The following IMMP2L variants were observed in gnomAD, a reference collection of about 807,000 sequenced individuals.
IMMP2L encodes the protein mitochondrial inner membrane protease subunit 2.
In IMMP2L, 18 loss-of-function variants were observed where a neutral mutation model predicts 19.3. That is an observed-to-expected ratio of 0.93 (90% confidence interval 0.64 to 1.38). IMMP2L has a LOEUF of 1.38. Ranked by LOEUF, IMMP2L falls within the 40% of genes most tolerant of loss-of-function variation. The pLI is 0.00. For missense variants in IMMP2L, 233 were observed against 218.2 expected, an observed-to-expected ratio of 1.07 and a Z score of -0.43; for synonymous variants, 76 against 73.0, an observed-to-expected ratio of 1.04 and a Z score of -0.21.
intron 3 of IMMP2L, among the ~76,000 whole-genome samples, chr7:111,275,138 G>A (rs1451022350): frequency 6.6e-6 from 1 of 152,090 alleles, no homozygotes; most frequent in Non-Finnish European, 1.5e-5. Flanking sequence ...GAATCCCATG[G>A]AGGCTCCCAG....
intron 3 of IMMP2L, among the ~76,000 whole-genome samples, chr7:111,396,203 G>A (rs1486648937): frequency 1.3e-5 from 2 of 152,080 alleles, no homozygotes; most frequent in Non-Finnish European, 2.9e-5. Context: ...AAAGACACAT[G>A]GACACGTATG....
intron 5 of IMMP2L, among the ~76,000 whole-genome samples, chr7:110,702,759 C>T (rs1794371010): frequency 6.6e-6 from 1 of 151,938 alleles, no homozygotes; most frequent in African/African-American, 2.4e-5. Context: ...TGTATATTGA[C>T]CTGTACTCTT....
chr7:110,751,437 C>T (rs921988116), intron 5 of IMMP2L, among the ~76,000 whole-genome samples: 3 of 151,852 alleles, frequency 2.0e-5, no homozygotes, highest in Non-Finnish European at 4.4e-5. Context: ...TTTTAGAAAG[C>T]CAACATTCAA....
chr7:111,131,923 G>T (rs936695738), intron 3 of IMMP2L, among the ~76,000 whole-genome samples: 1 of 151,508 alleles, frequency 6.6e-6, no homozygotes, highest in Non-Finnish European at 1.5e-5. Flanking sequence ...ATAATAACAG[G>T]AACTTTATAA....
chr7:110,864,143 A>G (rs190250247), intron 5 of IMMP2L, among the ~76,000 whole-genome samples: 5 of 152,168 alleles, frequency 3.3e-5, no homozygotes, highest in Admixed American at 6.6e-5. Flanking sequence ...TCCATGTTTC[A>G]AAAGTTTCTA....
chr7:111,035,988 C>G (rs2129569880), intron 3 of IMMP2L, among the ~76,000 whole-genome samples: 1 of 152,210 alleles, frequency 6.6e-6, no homozygotes, highest in East Asian at 1.9e-4. Context: ...ATTAGATGAG[C>G]TAATGAATGC....
chr7:111,317,977 A>AT (rs774066522), intron 3 of IMMP2L, among the ~76,000 whole-genome samples: 6 of 152,112 alleles, frequency 3.9e-5, no homozygotes, highest in Non-Finnish European at 8.8e-5. Flanking sequence ...TGAAATCTAC[A>AT]TTTTTTCAAT....
chr7:111,364,008 A>C (rs75992896), intron 3 of IMMP2L, among the ~76,000 whole-genome samples: 52 of 151,462 alleles, frequency 3.4e-4, no homozygotes, highest in Non-Finnish European at 5.6e-4. Flanking sequence ...ATCCCCCCCC[A>C]CACACACACA....
At position 110,686,632 on chromosome 7, in the gene IMMP2L, A is replaced by G. The variant is rs558078246; in HGVS notation, c.409-22911T>C. The stretch of plus-strand genomic sequence containing the variant: ...TTGCCTGCTTCAACTGTAACCTCAG[A>G]GCCATAATTAGAGTTCTGTCTTTGC... On this transcript the variant is annotated intron_variant, in intron 5 of 5. Transcript: ENST00000405709. 4.6e-5 allele frequency among the ~76,000 whole-genome samples: 7 copies of G among 152,100 alleles called. No homozygotes were observed. The South Asian group carries it at 1.5e-3, about 32-fold the overall frequency.
At position 111,452,888 on chromosome 7, in the gene IMMP2L, T is replaced by C. The variant is rs930992611; in HGVS notation, c.239+34350A>G. On this transcript the variant is annotated intron_variant, in intron 3 of 5. Transcript: ENST00000405709. ...ATGTACATATTTACTATACCTATTA[T>C]GTCACTTGTTGCTAGAAAGTAAGCT... Among the ~76,000 whole-genome samples, 3 of 152,296 alleles carry C rather than the reference T, an allele frequency of 2.0e-5. 1 individual carries two copies. Among genetic ancestry groups the C allele is most frequent in the South Asian group, 4.1e-4 (2 of 4,832 alleles).
In IMMP2L at chr7:111,548,653, A is replaced by G. The variant is rs192403886; in HGVS notation, c.-3+13198T>C. On this transcript the variant is annotated intron_variant, in intron 1 of 5. Coordinates refer to ENST00000405709, the MANE Select transcript of IMMP2L (RefSeq NM_032549.4). ...CTCAGAAGTGTATAGTTTTTTTTAT[A>G]ATTTTAATTCATTATCATGTCACTT... Among the ~76,000 whole-genome samples the G allele has an allele frequency of 2.7e-3, 416 of 152,222 alleles. 2 individuals carry two copies. Among genetic ancestry groups the G allele is most frequent in the African/African-American group, 8.6e-3 (358 of 41,570 alleles).
At chr7:110,747,539 G>C (rs570560193) in intron 5 of IMMP2L, among the ~76,000 whole-genome samples, 15 of 152,130 alleles carry the variant, frequency 9.9e-5, no homozygotes, top group Non-Finnish European at 2.1e-4. Context: ...ACATCAAAAG[G>C]CTTATCCACC....
intron 3 of IMMP2L, among the ~76,000 whole-genome samples, chr7:111,251,177 A>C (rs1358272077): frequency 1.3e-5 from 2 of 152,192 alleles, no homozygotes; most frequent in African/African-American, 2.4e-5. Flanking sequence ...TTAGAGAAAT[A>C]AAAATCAAAA....
At chr7:110,818,366 C>T (rs2131316802) in intron 5 of IMMP2L, among the ~76,000 whole-genome samples, 1 of 152,256 alleles carries the variant, frequency 6.6e-6, no homozygotes, top group East Asian at 1.9e-4. Flanking sequence ...TGAAAAAATG[C>T]TCATCATCAC....
chr7:111,385,140 G>A (rs1184042604), intron 3 of IMMP2L, among the ~76,000 whole-genome samples: 2 of 152,078 alleles, frequency 1.3e-5, no homozygotes, highest in Non-Finnish European at 2.9e-5. Context: ...TGGTACTACT[G>A]GGAAAATAAG....
At chr7:111,253,023 C>T (rs145766079) in intron 3 of IMMP2L, among the ~76,000 whole-genome samples, 45 of 152,140 alleles carry the variant, frequency 3.0e-4, no homozygotes, top group African/African-American at 7.9e-4. Flanking sequence ...ATATTGCCTA[C>T]GCTTCTTCTA....
chr7:111,098,274 A>G (rs2129579353), intron 3 of IMMP2L, among the ~76,000 whole-genome samples: 2 of 151,956 alleles, frequency 1.3e-5, no homozygotes, highest in South Asian at 4.1e-4. Flanking sequence ...TTTTTACACA[A>G]ACACCACAGT....
chr7:111,314,219 G>A (rs1823811506), intron 3 of IMMP2L, among the ~76,000 whole-genome samples: 1 of 152,026 alleles, frequency 6.6e-6, no homozygotes, highest in East Asian at 1.9e-4. Context: ...GTGACTTGGG[G>A]AAAAACTAGG....
In IMMP2L at chr7:110,893,709, A is replaced by T. The variant is rs76576380; in HGVS notation, c.306-7014T>A. On this transcript the variant is annotated intron_variant, in intron 4 of 5. Transcript: ENST00000405709. ...TGAGCACAGTACCCCAAATTCTTGA[A>T]TATGAACACTAAAGCAGCTATGAAC... Among the ~76,000 whole-genome samples the T allele has an allele frequency of 5.4e-4, 83 of 152,314 alleles. 1 individual carries two copies. The East Asian group carries it at 0.015, about 27-fold the overall frequency.
Sources: gnomAD v4.1 joint callset for allele counts (sites outside exome capture counted in the v4.1 genomes callset) on GRCh38, gnomAD v4.1.1 for gene constraint, MANE v1.5 for transcripts, NCBI Gene and HGNC (gene_info 2026-07-23, HGNC 2026-07-21) for gene names.